The following RIN3 variants were observed in gnomAD, a reference collection of about 807,000 sequenced individuals.
RIN3 encodes the protein RAB5 interacting protein 3.
Under a neutral mutation model 76.3 loss-of-function variants are expected in RIN3, and 54 were observed. The observed-to-expected ratio is 0.71, with a 90% CI of 0.57 to 0.89. RIN3 has a LOEUF of 0.89. Ranked by LOEUF, RIN3 falls within the 40% of genes least tolerant of loss-of-function variation. The probability of loss-of-function intolerance (pLI) is 0.00; values close to 1 mark genes in which losing one functional copy is unlikely to be tolerated. For synonymous variants in RIN3, 576 were observed against 564.0 expected, an observed-to-expected ratio of 1.02 and a Z score of -0.30; for missense variants, 1,256 against 1,322.1, an observed-to-expected ratio of 0.95 and a Z score of 0.78.
chr14:92,569,544 C>T (rs61975772), intron 2 of RIN3, among the ~76,000 whole-genome samples: 10,842 of 151,926 alleles, frequency 0.071, 434 homozygotes, highest in South Asian at 0.13. Context: ...GTTTGTGAGC[C>T]TGTCCCCAGC....
intron 3 of RIN3, among the ~76,000 whole-genome samples, chr14:92,611,330 A>G (rs981269239): frequency 3.9e-5 from 6 of 152,026 alleles, no homozygotes; most frequent in Non-Finnish European, 8.8e-5. Context: ...TCTATCCCCC[A>G]GGCTGGAGTG....
chr14:92,518,616 T>G (rs1279317211), intron 1 of RIN3, among the ~76,000 whole-genome samples: 2 of 152,192 alleles, frequency 1.3e-5, no homozygotes, highest in Non-Finnish European at 2.9e-5. Context: ...GCTGTGCTCC[T>G]GATACTTGTC....
At chr14:92,659,136 C>A in intron 6 of RIN3, 25 bp from the exon 7 acceptor site, 1 of 1,611,512 alleles carries the variant, frequency 6.2e-7, no homozygotes. Context: ...GGTTTCCTCA[C>A]CCTCGCTCTC....
intron 5 of RIN3, 55 bp from the exon 6 acceptor site, chr14:92,651,527 G>A: frequency 1.7e-6 from 1 of 597,964 alleles, no homozygotes; most frequent in Non-Finnish European, 2.7e-6. Context: ...GCCCAGCACA[G>A]CAACACCTAG....
chr14:92,610,746 G>T (rs1049240451), intron 3 of RIN3, among the ~76,000 whole-genome samples: 2 of 152,166 alleles, frequency 1.3e-5, no homozygotes, highest in Non-Finnish European at 2.9e-5. Context: ...TGGGAGTGAG[G>T]ACTGTAGGAA....
intron 2 of RIN3, among the ~76,000 whole-genome samples, chr14:92,561,368 C>T (rs549783202): frequency 2.0e-5 from 2 of 100,266 alleles, no homozygotes; most frequent in South Asian, 8.2e-4. Context: ...CCACTATCCA[C>T]CTCCCTCCCT....
intron 8 of RIN3, among the ~76,000 whole-genome samples, chr14:92,683,554 T>C (rs550543606): frequency 2.4e-4 from 36 of 152,300 alleles, no homozygotes; most frequent in Non-Finnish European, 4.0e-4. Context: ...TAAATTACTT[T>C]AGGAAACATT....
At chr14:92,668,701 A>G (rs1380100463) in intron 7 of RIN3, among the ~76,000 whole-genome samples, 1 of 152,152 alleles carries the variant, frequency 6.6e-6, no homozygotes, top group Non-Finnish European at 1.5e-5. Context: ...TTCAGACTAG[A>G]TCAGTAGTTT....
chr14:92,534,957 C>T (rs1896962688), intron 1 of RIN3, among the ~76,000 whole-genome samples: 1 of 152,298 alleles, frequency 6.6e-6, no homozygotes, highest in South Asian at 2.1e-4. Context: ...CACTTCATCT[C>T]AGGATGAATT....
intron 4 of RIN3, 74 bp from the exon 5 acceptor site, chr14:92,641,164 G>A: frequency 8.6e-7 from 1 of 1,169,140 alleles, no homozygotes; most frequent in Admixed American, 1.7e-5. Context: ...AGATTGCCAG[G>A]GCTCTTCCTT....
In RIN3 at chr14:92,652,434, G is replaced by A. The variant is rs777638785; in HGVS notation, c.1385G>A (p.Arg462Lys). 5.6e-6 allele frequency: 9 copies of A among 1,613,786 alleles called. No homozygotes were observed. Among genetic ancestry groups the A allele is most frequent in the Admixed American group, 3.3e-5 (2 of 59,984 alleles). The change falls in exon 6 of 10, where the codon AGG becomes AAG. Residue 462 changes from arginine (R) to lysine (K), a missense_variant. Coordinates refer to ENST00000216487, the MANE Select transcript of RIN3 (RefSeq NM_024832.5). The surrounding 1 kb of genome is among the most constrained non-coding windows in gnomAD (Gnocchi z 6.4). The part of the protein sequence containing the change: ...TAKQPPVPPP[R>K]KKRISRQLAS... ...AAACAACCCCCAGTCCCGCCCCCCA[G>A]GAAAAAACGGATCTCTCGACAACTG... is the stretch of plus-strand genomic sequence containing the variant.
At chr14:92,575,365 A>G (rs750566582) in intron 2 of RIN3, among the ~76,000 whole-genome samples, 5 of 152,170 alleles carry the variant, frequency 3.3e-5, no homozygotes, top group Non-Finnish European at 7.4e-5. Context: ...ATCTGACACA[A>G]GAAAGAATTT....
chr14:92,611,255 C>T (rs971030349), intron 3 of RIN3, among the ~76,000 whole-genome samples: 33 of 151,930 alleles, frequency 2.2e-4, no homozygotes, highest in African/African-American at 7.3e-4. Flanking sequence ...CATGGCATTC[C>T]CTTCGCTGGG....
chr14:92,638,046 A>C (rs1240548988), intron 4 of RIN3, among the ~76,000 whole-genome samples: 1 of 152,186 alleles, frequency 6.6e-6, no homozygotes, highest in Non-Finnish European at 1.5e-5. Context: ...GACACATAGT[A>C]GATGCTCAGC....
chr14:92,569,281 G>A (rs969764991), intron 2 of RIN3, among the ~76,000 whole-genome samples: 2 of 152,178 alleles, frequency 1.3e-5, no homozygotes, highest in Non-Finnish European at 2.9e-5. Flanking sequence ...AACCAGCTGC[G>A]GGTGGGGTGA....
At chr14:92,658,790 G>T (rs1595491558) in intron 6 of RIN3, among the ~76,000 whole-genome samples, 1 of 152,204 alleles carries the variant, frequency 6.6e-6, no homozygotes, top group East Asian at 1.9e-4. Context: ...TGGGCATTCA[G>T]GCCATCAGCA....
intron 7 of RIN3, among the ~76,000 whole-genome samples, 193 bp from the exon 8 acceptor site, chr14:92,676,282 A>G (rs1440874764): frequency 6.6e-6 from 1 of 151,870 alleles, no homozygotes; most frequent in African/African-American, 2.4e-5. Context: ...CTAAACTTGG[A>G]CTGTTTCTCG....
At position 92,652,931 on chromosome 14, in the gene RIN3, C is replaced by T. The variant is rs780866567; in HGVS notation, c.1882C>T (p.Leu628=). The T allele has an allele frequency of 5.0e-5, 81 of 1,613,888 alleles. No individual in the cohort carries two copies. The highest frequency in any genetic ancestry group is 6.7e-5 in the Admixed American group (4 of 60,006). ...SLVQDYKVYS[L]EMMARQTSST... is the part of the protein sequence containing the mutation. The stretch of plus-strand genomic sequence containing the variant: ...GGTGCAGGACTACAAGGTGTACAGC[C>T]TGGAGATGATGGCGCGCCAGACCTC... The change falls in exon 6 of 10, where the codon CTG becomes TTG. Residue 628 remains leucine (L), a synonymous_variant. Coordinates refer to ENST00000216487, the MANE Select transcript of RIN3 (RefSeq NM_024832.5). This position sits in a 1 kb window ranked among gnomAD's most constrained non-coding sequence, Gnocchi z 6.4.
At chr14:92,630,428 G>A (rs544384428) in intron 4 of RIN3, among the ~76,000 whole-genome samples, 3 of 152,196 alleles carry the variant, frequency 2.0e-5, no homozygotes, top group Non-Finnish European at 2.9e-5. Flanking sequence ...GGAGGCAGAG[G>A]TTGCAGTGAA....
Sources: gnomAD v4.1 joint callset for allele counts (sites outside exome capture counted in the v4.1 genomes callset) on GRCh38, gnomAD v4.1.1 for gene constraint, Gnocchi (gnomAD v3.1) non-coding constraint, MANE v1.5 for transcripts, NCBI Gene and HGNC (gene_info 2026-07-23, HGNC 2026-07-21) for gene names.